AGAP1: variants seen among roughly 807,000 people sequenced by gnomAD.
The protein encoded by AGAP1 is ArfGAP with GTPase domain, ankyrin repeat and PH domain 1.
AGAP1 carries 29 observed loss-of-function variants against 105.3 expected under a neutral mutation model. That is an observed-to-expected ratio of 0.28 (90% CI 0.21 to 0.38). The LOEUF (loss-of-function observed/expected upper bound fraction) is 0.38. Ranked by LOEUF, AGAP1 falls within the 10% of genes least tolerant of loss-of-function variation. AGAP1 has a pLI of 1.00. For missense variants in AGAP1, 998 were observed against 1,165.1 expected, an observed-to-expected ratio of 0.86 and a Z score of 2.09; for synonymous variants, 509 against 485.9, an observed-to-expected ratio of 1.05 and a Z score of -0.63.
At position 235,904,253 on chromosome 2, in the gene AGAP1, C is replaced by T. The variant is rs897090263; in HGVS notation, c.1156-4485C>T. On this transcript the variant is annotated intron_variant, in intron 10 of 17. Transcript: ENST00000304032. The surrounding 1 kb of genome is among the most constrained non-coding windows in gnomAD (Gnocchi z 4.2). ...AAAAAACAAGGGATGGCAAAGGTGC[C>T]GGAGCAGGGTTGCAGGGGGACAGCG... Among the ~76,000 whole-genome samples the T allele has an allele frequency of 2.6e-5, 4 of 152,132 alleles. No homozygotes were observed. Among genetic ancestry groups the T allele is most frequent in the African/African-American group, 7.2e-5 (3 of 41,422 alleles).
chr2:235,576,871 G>T (rs1305057401), intron 1 of AGAP1, among the ~76,000 whole-genome samples: 3 of 152,200 alleles, frequency 2.0e-5, no homozygotes, highest in African/African-American at 7.2e-5. Context: ...CCCATCATGG[G>T]ACAATTCTAA....
Position 236,035,995 on chromosome 2 carries a change from C to T in AGAP1, c.1646-566C>T, listed in dbSNP as rs2057367867. Among the ~76,000 whole-genome samples the T allele has an allele frequency of 6.6e-6, 1 of 151,992 alleles. No homozygotes were observed. Among genetic ancestry groups the T allele is most frequent in the Non-Finnish European group, 1.5e-5 (1 of 67,996 alleles). ...CCCAGAGTAGCTACCAAGTCTGGGG[C>T]CTGTCTCAGCTGAGATCCTCCTAAG... On this transcript the variant is annotated intron_variant, in intron 13 of 17. Coordinates refer to ENST00000304032, the MANE Select transcript of AGAP1 (RefSeq NM_001037131.3). The surrounding 1 kb of genome is among the most constrained non-coding windows in gnomAD (Gnocchi z 4.2).
intron 11 of AGAP1, among the ~76,000 whole-genome samples, chr2:235,928,957 C>G (rs2052586363): frequency 6.6e-6 from 1 of 152,224 alleles, no homozygotes; most frequent in Non-Finnish European, 1.5e-5. Flanking sequence ...CCACATGGCA[C>G]TGTCATTCAA....
At chr2:235,669,779 C>G (rs1221855542) in intron 1 of AGAP1, 2 of 147,892 alleles carry the variant, frequency 1.4e-5, no homozygotes, top group Non-Finnish European at 3.0e-5. Context: ...GACAATGAAG[C>G]CGCGGGCGCC....
chr2:235,793,886 G>T lies in AGAP1; in HGVS notation c.674-3873G>T, dbSNP rs1957116753. Among the ~76,000 whole-genome samples, 1 of 152,274 alleles carries T rather than the reference G, an allele frequency of 6.6e-6. No individual in the cohort carries two copies. On this transcript the variant is annotated intron_variant, in intron 6 of 17. Coordinates refer to ENST00000304032, the MANE Select transcript of AGAP1 (RefSeq NM_001037131.3). This position sits in a 1 kb window ranked among gnomAD's most constrained non-coding sequence, Gnocchi z 5.3. ...GGGTGCTATTTCCCTCTATAGAATAGAACATTTACAGTTTGTGGATAAAGT... is the reference window on the plus strand; with the variant it reads ...GGGTGCTATTTCCCTCTATAGAATATAACATTTACAGTTTGTGGATAAAGT...
At chr2:236,072,224 A>G (rs932568210) in intron 16 of AGAP1, 1 of 151,356 alleles carries the variant, frequency 6.6e-6, no homozygotes, top group Non-Finnish European at 1.5e-5. Flanking sequence ...GACAGATCAC[A>G]AGGCCAAGAG....
rs139443249 is a variant in AGAP1 at position 235,931,495 on chromosome 2, C to T, written c.1483+572C>T. 1.8e-4 allele frequency among the ~76,000 whole-genome samples: 27 copies of T among 152,050 alleles called. No individual in the cohort carries two copies. Among genetic ancestry groups the T allele is most frequent in the Admixed American group, 1.2e-3 (19 of 15,278 alleles). ...CAGCTTTTTGGGGAATAAGCATGCA[C>T]GTTGGAAACGATCTCGCCGTCTGTG... On this transcript the variant is annotated intron_variant, in intron 12 of 17. Coordinates refer to ENST00000304032, the MANE Select transcript of AGAP1 (RefSeq NM_001037131.3). This position sits in a 1 kb window ranked among gnomAD's most constrained non-coding sequence, Gnocchi z 5.6.
At chr2:235,827,002 C>A (rs1959107002) in intron 9 of AGAP1, among the ~76,000 whole-genome samples, 1 of 152,114 alleles carries the variant, frequency 6.6e-6, no homozygotes, top group Admixed American at 6.5e-5. Flanking sequence ...GAATTCAGTA[C>A]CAGATCCATG....
chr2:235,730,491 A>C lies in AGAP1; in HGVS notation c.311-10472A>C, dbSNP rs574592795. Reference sequence around the variant, plus strand: ...TGTTTACCTTTTAAAAAAAAAAAAAAAAAAAAACGAGACAAGGTCTCACTC... The same window carrying C: ...TGTTTACCTTTTAAAAAAAAAAAAACAAAAAAACGAGACAAGGTCTCACTC... On this transcript the variant is annotated intron_variant, in intron 3 of 17. Transcript: ENST00000304032. 6.3e-3 allele frequency among the ~76,000 whole-genome samples: 945 copies of C among 150,844 alleles called. 22 individuals are homozygous for C. The highest frequency in any genetic ancestry group is 0.022 in the African/African-American group (901 of 40,952).
chr2:235,892,637 C>T (rs2050599292), intron 10 of AGAP1, among the ~76,000 whole-genome samples: 1 of 152,000 alleles, frequency 6.6e-6, no homozygotes, highest in Non-Finnish European at 1.5e-5. Context: ...TGCTCAGTGC[C>T]TGTAACTGCC....
chr2:235,770,629 T>TA (rs1955370182), intron 6 of AGAP1, among the ~76,000 whole-genome samples: 1 of 152,200 alleles, frequency 6.6e-6, no homozygotes, highest in Non-Finnish European at 1.5e-5. Flanking sequence ...AATAGAAGCT[T>TA]AAACTGAAGG....
rs1256929872 is a variant in AGAP1 at position 235,977,734 on chromosome 2, C to G, written c.1645+9111C>G. Reference sequence around the variant, plus strand: ...CACAGGCAGTGGCGACTTCATTCCTCTTTCTAAAGATGTAAAACAAAAGGG... The same window carrying G: ...CACAGGCAGTGGCGACTTCATTCCTGTTTCTAAAGATGTAAAACAAAAGGG... On this transcript the variant is annotated intron_variant, in intron 13 of 17. Coordinates refer to ENST00000304032, the MANE Select transcript of AGAP1 (RefSeq NM_001037131.3). This position sits in a 1 kb window ranked among gnomAD's most constrained non-coding sequence, Gnocchi z 5.2. Among the ~76,000 whole-genome samples the G allele has an allele frequency of 6.6e-6, 1 of 152,174 alleles. No homozygotes were observed. The highest frequency in any genetic ancestry group is 2.4e-5 in the African/African-American group (1 of 41,442).
intron 13 of AGAP1, among the ~76,000 whole-genome samples, chr2:235,999,799 T>C (rs1273523630): frequency 6.7e-6 from 1 of 150,068 alleles, no homozygotes; most frequent in African/African-American, 2.5e-5. Flanking sequence ...GGAACCTGTA[T>C]CTTGATGCTT....
At chr2:235,880,081 G>A (rs886943988) in intron 9 of AGAP1, among the ~76,000 whole-genome samples, 11 of 134,066 alleles carry the variant, frequency 8.2e-5, no homozygotes, top group Non-Finnish European at 1.7e-4. Context: ...CTGCACTCTG[G>A]CCTTTTTTTT....
At chr2:235,800,978 T>C (rs1279292367) in intron 8 of AGAP1, among the ~76,000 whole-genome samples, 1 of 152,322 alleles carries the variant, frequency 6.6e-6, no homozygotes, top group Non-Finnish European at 1.5e-5. Flanking sequence ...CTGATCTTGA[T>C]GTTACATTGC....
At chr2:235,761,965 C>G (rs777899862) in intron 6 of AGAP1, among the ~76,000 whole-genome samples, 122 of 151,814 alleles carry the variant, frequency 8.0e-4, no homozygotes, top group Non-Finnish European at 1.4e-3. Context: ...AAAAATTAGC[C>G]GGGTGTAATG....
Position 235,891,879 on chromosome 2 carries a change from TGTG to T in AGAP1, c.1155+8435_1155+8437del, listed in dbSNP as rs2050563874. 6.6e-6 allele frequency among the ~76,000 whole-genome samples: 1 copy of T among 151,986 alleles called. No homozygotes were observed. Among genetic ancestry groups the T allele is most frequent in the Non-Finnish European group, 1.5e-5 (1 of 67,986 alleles). ...TTTAAAAAACCTCCTTCTGGCCAGG[TGTG>T]GTGGCTCACACCTGTAATCCCAGCA... On this transcript the variant is annotated intron_variant, in intron 10 of 17. Coordinates refer to ENST00000304032, the MANE Select transcript of AGAP1 (RefSeq NM_001037131.3). This position sits in a 1 kb window ranked among gnomAD's most constrained non-coding sequence, Gnocchi z 4.2.
In AGAP1 at chr2:235,516,355, T is replaced by A. The variant is rs181286087; in HGVS notation, c.163+21506T>A. 8.5e-5 allele frequency among the ~76,000 whole-genome samples: 13 copies of A among 152,300 alleles called. No homozygotes were observed. In the East Asian group the frequency reaches 1.5e-3, roughly 18 times the overall value. On this transcript the variant is annotated intron_variant, in intron 1 of 17. Coordinates refer to ENST00000304032, the MANE Select transcript of AGAP1 (RefSeq NM_001037131.3). Reference sequence around the variant, plus strand: ...CAGGCCCAGGAGCATTATTATTATTTTTTTTAAATCTCTTGTGGCACTTTT... The same window carrying A: ...CAGGCCCAGGAGCATTATTATTATTATTTTTAAATCTCTTGTGGCACTTTT...
At chr2:235,849,943 T>G (rs938208424) in intron 9 of AGAP1, among the ~76,000 whole-genome samples, 3 of 152,196 alleles carry the variant, frequency 2.0e-5, no homozygotes, top group Non-Finnish European at 4.4e-5. Flanking sequence ...GTCCTGCCTT[T>G]CTCACTTTTC....
Sources: gnomAD v4.1 joint callset for allele counts (sites outside exome capture counted in the v4.1 genomes callset) on GRCh38, gnomAD v4.1.1 for gene constraint, Gnocchi (gnomAD v3.1) non-coding constraint, MANE v1.5 for transcripts, NCBI Gene and HGNC (gene_info 2026-07-23, HGNC 2026-07-21) for gene names.